The following RAPGEF4 variants were observed in gnomAD, a reference collection of about 807,000 sequenced individuals.
The protein encoded by RAPGEF4 is RAP guanine-nucleotide-exchange factor (GEF) 4.
A neutral mutation model predicts 147.9 loss-of-function variants in RAPGEF4; 66 were observed. The observed-to-expected ratio is 0.45, with a 90% confidence interval of 0.37 to 0.55. The LOEUF (loss-of-function observed/expected upper bound fraction) is 0.55, where lower values mean the gene tolerates loss of function less well. RAPGEF4 is among the 20% of genes least tolerant of loss of function. RAPGEF4 has a pLI of 0.00. For synonymous variants in RAPGEF4, 419 were observed against 442.7 expected (o/e 0.95, Z 0.67); for missense variants, 1,071 against 1,257.3 (o/e 0.85, Z 2.24).
intron 4 of RAPGEF4, among the ~76,000 whole-genome samples, chr2:172,839,752 A>C (rs1198839057): frequency 6.6e-6 from 1 of 152,188 alleles, no homozygotes; most frequent in African/African-American, 2.4e-5. Flanking sequence ...CAGCTTTATC[A>C]TCATCTTAAG....
At chr2:172,985,017 CAT>C (rs1575444794) in intron 11 of RAPGEF4, among the ~76,000 whole-genome samples, 2 of 152,300 alleles carry the variant, frequency 1.3e-5, no homozygotes, top group East Asian at 3.9e-4. Context: ...AGCTTCAAGA[CAT>C]AGAATTTTCC....
intron 4 of RAPGEF4, among the ~76,000 whole-genome samples, chr2:172,870,322 T>C (rs1695096265): frequency 6.6e-6 from 1 of 152,214 alleles, no homozygotes; most frequent in Non-Finnish European, 1.5e-5. Flanking sequence ...TGTTCTATTC[T>C]ATTCTATGAT....
chr2:172,778,848 A>G (rs1684418098), intron 1 of RAPGEF4, among the ~76,000 whole-genome samples: 1 of 152,220 alleles, frequency 6.6e-6, no homozygotes, highest in Non-Finnish European at 1.5e-5. Flanking sequence ...TGGTGTATAA[A>G]TAAGCTGTTA....
chr2:172,977,390 T>C (rs150759208), intron 10 of RAPGEF4, among the ~76,000 whole-genome samples: 2 of 152,098 alleles, frequency 1.3e-5, no homozygotes, highest in East Asian at 3.9e-4. Flanking sequence ...TCAGTGATTG[T>C]GGTGGGGAAC....
chr2:172,746,586 G>A (rs1694792713), intron 1 of RAPGEF4, among the ~76,000 whole-genome samples: 1 of 151,910 alleles, frequency 6.6e-6, no homozygotes, highest in Non-Finnish European at 1.5e-5. Context: ...TATCAAAATG[G>A]ATGACTTGCT....
intron 27 of RAPGEF4, among the ~76,000 whole-genome samples, chr2:173,035,175 C>G (rs1683794838): frequency 6.6e-6 from 1 of 151,884 alleles, no homozygotes; most frequent in South Asian, 2.1e-4. Flanking sequence ...CGACCTCAGC[C>G]TTCCAAATAG....
intron 6 of RAPGEF4, among the ~76,000 whole-genome samples, chr2:172,951,243 T>G (rs549282521): frequency 6.6e-6 from 1 of 152,346 alleles, no homozygotes; most frequent in East Asian, 1.9e-4. Flanking sequence ...CACAGTGCAG[T>G]GGAAACACCC....
chr2:172,745,260 C>G (rs184804381), intron 1 of RAPGEF4, among the ~76,000 whole-genome samples: 1,649 of 152,160 alleles, frequency 0.011, 16 homozygotes, highest in South Asian at 0.039. Context: ...CAAATTCAAA[C>G]TGTAATAGAG....
chr2:172,953,360 G>T (rs2105403657), intron 6 of RAPGEF4, among the ~76,000 whole-genome samples: 1 of 146,494 alleles, frequency 6.8e-6, no homozygotes, highest in Admixed American at 6.8e-5. Context: ...CTCTATATAT[G>T]TATAGAGAGA....
intron 4 of RAPGEF4, among the ~76,000 whole-genome samples, chr2:172,879,947 C>G (rs1696417527): frequency 6.6e-6 from 1 of 152,132 alleles, no homozygotes; most frequent in Non-Finnish European, 1.5e-5. Flanking sequence ...AAAGCTTTTC[C>G]TTTTTATTTT....
chr2:172,854,317 C>T (rs142738862), intron 4 of RAPGEF4, among the ~76,000 whole-genome samples: 2,221 of 151,778 alleles, frequency 0.015, 32 homozygotes, highest in Non-Finnish European at 0.023. Context: ...CCCTTTTTAT[C>T]ATTATAAAAT....
At chr2:172,802,841 G>A (rs1272900572) in intron 3 of RAPGEF4, among the ~76,000 whole-genome samples, 1 of 152,174 alleles carries the variant, frequency 6.6e-6, no homozygotes, top group Non-Finnish European at 1.5e-5. Flanking sequence ...TTCCAAATGG[G>A]AGAAATTGGC....
chr2:172,805,615 A>C (rs1687415810), intron 3 of RAPGEF4, among the ~76,000 whole-genome samples: 1 of 152,156 alleles, frequency 6.6e-6, no homozygotes, highest in African/African-American at 2.4e-5. Context: ...AGGTGTCCCA[A>C]CCTGGCTGAC....
intron 14 of RAPGEF4, among the ~76,000 whole-genome samples, chr2:172,989,643 T>C (rs1186335648): frequency 6.6e-6 from 1 of 152,172 alleles, no homozygotes; most frequent in African/African-American, 2.4e-5. Flanking sequence ...GGCCTGATCA[T>C]GGACTTTTAG....
chr2:173,043,108 G>GA (rs779328227), intron 29 of RAPGEF4, among the ~76,000 whole-genome samples: 29 of 150,008 alleles, frequency 1.9e-4, no homozygotes, highest in Non-Finnish European at 2.8e-4. Context: ...TGGATCTTGT[G>GA]AAAAAAAAAA....
intron 4 of RAPGEF4, among the ~76,000 whole-genome samples, chr2:172,849,223 T>A (rs3769298): frequency 0.025 from 3,811 of 152,256 alleles, 95 homozygotes; most frequent in East Asian, 0.11. Flanking sequence ...CCTTAGAAAC[T>A]GATTTATAGT....
chr2:172,816,781 C>A (rs957283288), intron 4 of RAPGEF4, among the ~76,000 whole-genome samples: 1 of 152,136 alleles, frequency 6.6e-6, no homozygotes, highest in Non-Finnish European at 1.5e-5. Context: ...TTGGAATTGA[C>A]AGGAGTGGAT....
At chr2:172,846,839 C>G (rs1213341005) in intron 4 of RAPGEF4, among the ~76,000 whole-genome samples, 1 of 152,162 alleles carries the variant, frequency 6.6e-6, no homozygotes, top group African/African-American at 2.4e-5. Flanking sequence ...TCAGTCTGCT[C>G]CCCTGACTAT....
chr2:172,960,745 C>T lies in RAPGEF4; in HGVS notation c.538-15C>T, dbSNP rs760266093. On this transcript the variant is annotated splice_polypyrimidine_tract_variant and intron_variant, in intron 6 of 30. Coordinates refer to ENST00000397081, the MANE Select transcript of RAPGEF4 (RefSeq NM_007023.4). The stretch of plus-strand genomic sequence containing the variant: ...TTTGTTTAATTTTCTTTTGCTTTAA[C>T]ATTTTATTTTTCAGACACCTCTCAT... The T allele has an allele frequency of 2.2e-4, 345 of 1,585,190 alleles. No homozygotes were observed. Among genetic ancestry groups the T allele is most frequent in the Non-Finnish European group, 2.8e-4 (330 of 1,162,250 alleles).
Sources: gnomAD v4.1 joint callset for allele counts (sites outside exome capture counted in the v4.1 genomes callset) on GRCh38, gnomAD v4.1.1 for gene constraint, MANE v1.5 for transcripts, NCBI Gene and HGNC (gene_info 2026-07-23, HGNC 2026-07-21) for gene names.